Variants in ARHGAP10 observed in about 807,000 individuals in gnomAD.
The protein encoded by ARHGAP10 is Rho GTPase activating protein 10, also known as rho GTPase-activating protein 10.
In ARHGAP10, 87 loss-of-function variants were observed where a neutral mutation model predicts 108.6. The ratio of observed to expected loss-of-function variants is 0.80; its 90% CI spans 0.67 to 0.96. The LOEUF (loss-of-function observed/expected upper bound fraction) is 0.96, where lower values mean the gene tolerates loss of function less well. ARHGAP10 is among the 40% of genes least tolerant of loss of function. The probability of loss-of-function intolerance (pLI) is 0.00; values close to 1 mark genes in which losing one functional copy is unlikely to be tolerated. For synonymous variants in ARHGAP10, 347 were observed against 341.1 expected (o/e 1.02, Z -0.19); for missense variants, 939 against 954.5 (o/e 0.98, Z 0.21).
intron 22 of ARHGAP10, among the ~76,000 whole-genome samples, chr4:148,069,867 G>A (rs541956659): frequency 6.6e-6 from 1 of 152,336 alleles, no homozygotes; most frequent in East Asian, 1.9e-4. Context: ...AGAATCCAAA[G>A]CTTTTCCCTG....
At chr4:147,782,133 A>G (rs1353967838) in intron 1 of ARHGAP10, among the ~76,000 whole-genome samples, 2 of 152,220 alleles carry the variant, frequency 1.3e-5, no homozygotes, top group East Asian at 3.8e-4. Flanking sequence ...ACATTGCCAT[A>G]AGGTGAATGT....
chr4:147,815,765 T>G (rs1732217581), intron 1 of ARHGAP10, among the ~76,000 whole-genome samples: 1 of 151,922 alleles, frequency 6.6e-6, no homozygotes, highest in African/African-American at 2.4e-5. Context: ...ACTCAAGAGG[T>G]TGAGGTGGGA....
intron 14 of ARHGAP10, 133 bp from the exon 15 acceptor site, chr4:147,946,484 A>T (rs557721266): frequency 8.4e-5 from 53 of 628,384 alleles, no homozygotes; most frequent in East Asian, 6.6e-4. Context: ...GAGAAATCAT[A>T]TATATAATGT....
chr4:147,824,110 A>G (rs1178686027), intron 3 of ARHGAP10, among the ~76,000 whole-genome samples: 2 of 152,124 alleles, frequency 1.3e-5, no homozygotes, highest in African/African-American at 4.8e-5. Flanking sequence ...ACCTGAGGTC[A>G]GGAGTTCGAG....
intron 1 of ARHGAP10, among the ~76,000 whole-genome samples, chr4:147,806,950 G>A (rs987594941): frequency 6.6e-6 from 1 of 152,160 alleles, no homozygotes; most frequent in African/African-American, 2.4e-5. Flanking sequence ...TAGATCCATT[G>A]GTTTTCCAAG....
At chr4:147,936,229 T>C (rs1430654073) in intron 13 of ARHGAP10, among the ~76,000 whole-genome samples, 1 of 151,958 alleles carries the variant, frequency 6.6e-6, no homozygotes, top group Non-Finnish European at 1.5e-5. Context: ...TGTATCGGGC[T>C]CAAAAGGTCT....
chr4:147,866,888 G>A lies in ARHGAP10; in HGVS notation c.702+72G>A, dbSNP rs1483341843. On this transcript the variant is annotated intron_variant, in intron 7 of 22. Transcript: ENST00000336498. ...TTTTCATTTGTGTGTTGTATGAAAAGCCTTAATTAAATGAAGACAATGCTG... is the reference window on the plus strand; with the variant it reads ...TTTTCATTTGTGTGTTGTATGAAAAACCTTAATTAAATGAAGACAATGCTG... 1.6e-5 allele frequency: 21 copies of A among 1,299,654 alleles called. No homozygotes were observed. The East Asian group carries it at 4.5e-4, about 28-fold the overall frequency. The allele number at this position is 1,299,654 out of a possible 1,614,324, so 80.5% of individuals were successfully genotyped here. A position where few individuals can be genotyped will look rare whatever the true frequency, so the allele number is the denominator to read the frequency against.
At chr4:148,031,810 C>T (rs1728160286) in intron 19 of ARHGAP10, among the ~76,000 whole-genome samples, 1 of 152,192 alleles carries the variant, frequency 6.6e-6, no homozygotes, top group Non-Finnish European at 1.5e-5. Flanking sequence ...CTGTAACAAG[C>T]ATGGGCCCTC....
chr4:147,857,859 T>G, intron 5 of ARHGAP10: 1 of 300,706 alleles, frequency 3.3e-6, no homozygotes, highest in Non-Finnish European at 5.6e-6. Context: ...TAATGAGCTA[T>G]GGATTCATAG....
intron 18 of ARHGAP10, among the ~76,000 whole-genome samples, chr4:148,009,929 G>A (rs1024001081): frequency 6.6e-6 from 1 of 152,078 alleles, no homozygotes; most frequent in African/African-American, 2.4e-5. Context: ...CTCAGTTTCT[G>A]GTATCTGAAT....
At chr4:147,925,556 C>G (rs1248490559) in intron 13 of ARHGAP10, among the ~76,000 whole-genome samples, 1 of 152,140 alleles carries the variant, frequency 6.6e-6, no homozygotes, top group Non-Finnish European at 1.5e-5. Flanking sequence ...CCTGGGCACA[C>G]ACATGTTAGA....
intron 10 of ARHGAP10, among the ~76,000 whole-genome samples, chr4:147,901,365 T>A (rs115497478): frequency 1.8e-3 from 274 of 152,346 alleles, no homozygotes; most frequent in African/African-American, 6.3e-3. Context: ...CCTTTAATGT[T>A]AAAGTAATGC....
At chr4:147,737,075 A>G (rs1287865138) in intron 1 of ARHGAP10, among the ~76,000 whole-genome samples, 1 of 152,146 alleles carries the variant, frequency 6.6e-6, no homozygotes, top group Non-Finnish European at 1.5e-5. Context: ...TGTCTTGTTA[A>G]ATGACATAAG....
At chr4:147,777,982 C>CTAA (rs1448534607) in intron 1 of ARHGAP10, among the ~76,000 whole-genome samples, 5 of 152,118 alleles carry the variant, frequency 3.3e-5, no homozygotes, top group African/African-American at 1.2e-4. Context: ...GTTCATTAGT[C>CTAA]TATGCATGGC....
At chr4:147,836,684 A>G (rs895779836) in intron 3 of ARHGAP10, among the ~76,000 whole-genome samples, 3 of 152,230 alleles carry the variant, frequency 2.0e-5, no homozygotes, top group Admixed American at 6.5e-5. Flanking sequence ...TACTTAGCTA[A>G]TGAGTGTGAG....
At chr4:147,830,129 C>T (rs1732891775) in intron 3 of ARHGAP10, among the ~76,000 whole-genome samples, 1 of 152,252 alleles carries the variant, frequency 6.6e-6, no homozygotes, top group Non-Finnish European at 1.5e-5. Flanking sequence ...CCTATGCAGA[C>T]TCTTCAGGCT....
At chr4:148,019,137 C>G (rs1182574120) in intron 18 of ARHGAP10, among the ~76,000 whole-genome samples, 13 of 152,272 alleles carry the variant, frequency 8.5e-5, no homozygotes, top group Admixed American at 8.5e-4. Flanking sequence ...TTTCTTTAGC[C>G]TGTTACTTGA....
intron 19 of ARHGAP10, among the ~76,000 whole-genome samples, chr4:148,026,104 A>G (rs993139623): frequency 2.0e-5 from 3 of 152,136 alleles, no homozygotes; most frequent in African/African-American, 7.2e-5. Flanking sequence ...ATGACTGGAG[A>G]TGTTCTTCAG....
At chr4:147,822,064 A>G (rs1471634689) in intron 1 of ARHGAP10, among the ~76,000 whole-genome samples, 1 of 152,264 alleles carries the variant, frequency 6.6e-6, no homozygotes, top group Non-Finnish European at 1.5e-5. Context: ...CAAGGCCTGT[A>G]AAATAAATGT....
Sources: allele counts gnomAD v4.1 joint callset (sites outside exome capture counted in the v4.1 genomes callset), GRCh38; gene constraint gnomAD v4.1.1; transcripts MANE v1.5; gene names NCBI Gene and HGNC (gene_info 2026-07-23, HGNC 2026-07-21).